SLC25A20: variants seen among roughly 807,000 people sequenced by gnomAD.
SLC25A20 encodes the protein solute carrier family 25 member 20, also known as mitochondrial carnitine/acylcarnitine carrier protein.
Under a neutral mutation model 39.7 loss-of-function variants are expected in SLC25A20, and 29 were observed. The ratio of observed to expected loss-of-function variants is 0.73; its 90% CI spans 0.54 to 1.00. The LOEUF (loss-of-function observed/expected upper bound fraction) is 1.00. SLC25A20 is among the 50% of genes least tolerant of loss of function. The pLI, the probability that SLC25A20 is intolerant of heterozygous loss-of-function variation, is 0.00. For synonymous variants in SLC25A20, 103 were observed against 142.2 expected (o/e 0.72, Z 1.96); for missense variants, 333 against 379.9 (o/e 0.88, Z 1.03).
chr3:48,858,068 A>G (rs2083594163), intron 8 of SLC25A20, among the ~76,000 whole-genome samples: 1 of 151,830 alleles, frequency 6.6e-6, no homozygotes, highest in South Asian at 2.1e-4. Context: ...CCCAGGTTAA[A>G]GTAATTCTCC....
intron 2 of SLC25A20, among the ~76,000 whole-genome samples, chr3:48,888,208 A>G (rs912539404): frequency 2.7e-4 from 37 of 135,490 alleles, no homozygotes; most frequent in Non-Finnish European, 4.8e-4. Flanking sequence ...CTCCATCTCG[A>G]AAAAAAAAAA....
In SLC25A20 at chr3:48,879,345, A is replaced by G. The variant is rs921475888; in HGVS notation, c.417+13T>C. 1.3e-6 allele frequency: 2 copies of G among 1,585,194 alleles called. No homozygotes were observed. The highest frequency in any genetic ancestry group is 1.7e-6 in the Non-Finnish European group (2 of 1,153,614). On this transcript the variant is annotated intron_variant, in intron 4 of 8. Transcript: ENST00000319017. ...AAAGGAAAAAGCTATTTCCCCTCCA[A>G]TCACAACCTTACCTGTAATAAGCAC...
intron 5 of SLC25A20, among the ~76,000 whole-genome samples, chr3:48,860,205 G>C (rs1202868123): frequency 1.3e-5 from 2 of 151,936 alleles, no homozygotes; most frequent in East Asian, 3.9e-4. Context: ...GGAGGCTGAG[G>C]CAAGAGAATG....
chr3:48,885,363 GGT>G (rs1441655270), intron 2 of SLC25A20, among the ~76,000 whole-genome samples: 5 of 152,138 alleles, frequency 3.3e-5, no homozygotes, highest in Non-Finnish European at 7.4e-5. Flanking sequence ...CAAACAAGGT[GGT>G]AAACGAGGAA....
At chr3:48,875,756 C>T (rs529873767) in intron 4 of SLC25A20, among the ~76,000 whole-genome samples, 59 of 152,278 alleles carry the variant, frequency 3.9e-4, no homozygotes, top group Middle Eastern at 6.8e-3. Context: ...ATGGCTCATG[C>T]CTGTAATCCC....
At chr3:48,893,510 T>G (rs2083891991) in intron 1 of SLC25A20, among the ~76,000 whole-genome samples, 1 of 151,922 alleles carries the variant, frequency 6.6e-6, no homozygotes, top group African/African-American at 2.4e-5. Context: ...CACTTCAGCT[T>G]GGGTAAAAGA....
rs374544337 is a variant in SLC25A20, at chr3:48,858,649, A to G, written c.719-18T>C. 3.1e-5 allele frequency: 50 copies of G among 1,613,988 alleles called. No individual in the cohort carries two copies. Among genetic ancestry groups the G allele is most frequent in the Middle Eastern group, 1.6e-4 (1 of 6,074 alleles). ...AGGAGGTGCTGTGGGGCAGAACCCA[A>G]TTTTTAAGGCTTCAGGAAGGAGAAA... On this transcript the variant is annotated intron_variant, in intron 7 of 8. Coordinates refer to ENST00000319017, the MANE Select transcript of SLC25A20 (RefSeq NM_000387.6).
intron 1 of SLC25A20, among the ~76,000 whole-genome samples, chr3:48,894,768 T>C (rs1222542912): frequency 6.6e-6 from 1 of 152,130 alleles, no homozygotes; most frequent in African/African-American, 2.4e-5. Context: ...TAAACCACAA[T>C]AGATAACTGA....
At chr3:48,877,911 G>A (rs1344162810) in intron 4 of SLC25A20, among the ~76,000 whole-genome samples, 1 of 152,068 alleles carries the variant, frequency 6.6e-6, no homozygotes, top group Non-Finnish European at 1.5e-5. Context: ...TGACATTTTT[G>A]TTGGTTTGTT....
At chr3:48,858,935 G>T (rs1477107962) in intron 7 of SLC25A20, among the ~76,000 whole-genome samples, 157 bp downstream of exon 7, 1 of 152,162 alleles carries the variant, frequency 6.6e-6, no homozygotes, top group Non-Finnish European at 1.5e-5. Context: ...AGGGTTCCTA[G>T]AATGCAAATG....
intron 5 of SLC25A20, 108 bp downstream of exon 5, chr3:48,862,434 A>G: frequency 1.3e-6 from 1 of 773,522 alleles, no homozygotes; most frequent in East Asian, 2.5e-5. Context: ...CAGAGATGTG[A>G]CATGCATGGT....
intron 3 of SLC25A20, among the ~76,000 whole-genome samples, chr3:48,882,503 A>C (rs183074727): frequency 6.6e-6 from 1 of 152,156 alleles, no homozygotes; most frequent in African/African-American, 2.4e-5. Context: ...AGACCTCTCA[A>C]CAGCCTCCTG....
At chr3:48,871,853 T>A (rs1470298222) in intron 4 of SLC25A20, among the ~76,000 whole-genome samples, 6 of 151,164 alleles carry the variant, frequency 4.0e-5, no homozygotes, top group Non-Finnish European at 8.8e-5. Context: ...GGGGTCTCAC[T>A]CCGTCACCCA....
chr3:48,886,848 T>G (rs1371952939), intron 2 of SLC25A20, among the ~76,000 whole-genome samples: 1 of 152,132 alleles, frequency 6.6e-6, no homozygotes, highest in Non-Finnish European at 1.5e-5. Context: ...ACAAAAAAAT[T>G]TTAAAGTTTC....
chr3:48,878,341 T>C (rs1018597621), intron 4 of SLC25A20, among the ~76,000 whole-genome samples: 7 of 150,554 alleles, frequency 4.6e-5, no homozygotes, highest in Non-Finnish European at 1.0e-4. Flanking sequence ...GTGAAGACTT[T>C]ACGTTTATTT....
intron 8 of SLC25A20, 109 bp downstream of exon 8, chr3:48,858,398 C>A: frequency 6.6e-7 from 1 of 1,509,698 alleles, no homozygotes; most frequent in South Asian, 1.1e-5. Context: ...GAAGATAGGG[C>A]TTTGGGAAAA....
chr3:48,863,179 G>T (rs1157278716), intron 4 of SLC25A20, among the ~76,000 whole-genome samples: 5 of 152,170 alleles, frequency 3.3e-5, no homozygotes, highest in African/African-American at 1.2e-4. Context: ...GGGCAGCAGA[G>T]TGAGACTGTC....
chr3:48,876,296 C>T (rs1025307430), intron 4 of SLC25A20, among the ~76,000 whole-genome samples: 2 of 143,048 alleles, frequency 1.4e-5, no homozygotes, highest in African/African-American at 2.6e-5. Flanking sequence ...GAGCTGAGAT[C>T]GTGCCACTGA....
At chr3:48,876,561 G>C (rs538256273) in intron 4 of SLC25A20, among the ~76,000 whole-genome samples, 1 of 150,922 alleles carries the variant, frequency 6.6e-6, no homozygotes, top group Non-Finnish European at 1.5e-5. Context: ...GAGTAGCTGG[G>C]ATTACAAGCA....
Sources: allele counts gnomAD v4.1 joint callset (sites outside exome capture counted in the v4.1 genomes callset), GRCh38; gene constraint gnomAD v4.1.1; transcripts MANE v1.5; gene names NCBI Gene and HGNC (gene_info 2026-07-23, HGNC 2026-07-21).